Variants in ANKRD13A observed in about 807,000 individuals in gnomAD.
ANKRD13A encodes the protein ankyrin repeat domain 13A.
In ANKRD13A, 48 loss-of-function variants were observed where a neutral mutation model predicts 81.3. The ratio of observed to expected loss-of-function variants is 0.59; its 90% CI spans 0.47 to 0.75. The LOEUF is 0.75. Ranked by LOEUF, ANKRD13A falls within the 30% of genes least tolerant of loss-of-function variation. The pLI is 0.00. For missense variants in ANKRD13A, 612 were observed against 734.0 expected (o/e 0.83, Z 1.92); for synonymous variants, 230 against 270.1 (o/e 0.85, Z 1.45).
chr12:110,033,765 C>A, intron 12 of ANKRD13A, 32 bp from the exon 13 acceptor site: 1 of 1,551,338 alleles, frequency 6.4e-7, no homozygotes, highest in South Asian at 1.2e-5. Context: ...ATGTAATGAA[C>A]TCAGACACTG....
intron 8 of ANKRD13A, among the ~76,000 whole-genome samples, chr12:110,026,425 A>G (rs1445794361): frequency 6.6e-6 from 1 of 151,396 alleles, no homozygotes; most frequent in African/African-American, 2.4e-5. Flanking sequence ...AAAAAATACA[A>G]AATTAGCTGG....
intron 6 of ANKRD13A, among the ~76,000 whole-genome samples, 173 bp downstream of exon 6, chr12:110,019,501 G>A (rs1336225253): frequency 2.6e-5 from 4 of 152,116 alleles, no homozygotes; most frequent in East Asian, 1.9e-4. Flanking sequence ...GCTGACACTC[G>A]ACACCATCCA....
At chr12:110,026,895 AG>A (rs1891376850) in intron 8 of ANKRD13A, 1 of 152,118 alleles carries the variant, frequency 6.6e-6, no homozygotes, top group Non-Finnish European at 1.5e-5. Context: ...AAAAAGAAAA[AG>A]GAAAGAAAAT....
chr12:110,027,904 A>G, intron 9 of ANKRD13A, 138 bp downstream of exon 9: 1 of 741,584 alleles, frequency 1.3e-6, no homozygotes, highest in Non-Finnish European at 2.3e-6. Flanking sequence ...AATTTGAGAT[A>G]CTCTTTTGGA....
At chr12:110,015,708 A>G (rs1890757987) in intron 3 of ANKRD13A, among the ~76,000 whole-genome samples, 2 of 151,788 alleles carry the variant, frequency 1.3e-5, no homozygotes. Context: ...CACCATGCCG[A>G]GCTAATTTTT....
Position 110,012,216 on chromosome 12 carries a change from T to C in ANKRD13A, c.229+79T>C. The C allele has an allele frequency of 4.1e-6, 6 of 1,471,850 alleles. No homozygotes were observed. In the South Asian group the frequency reaches 7.6e-5, roughly 19 times the overall value. 91.2% of individuals were successfully genotyped at this position (1,471,850 alleles called of 1,614,324 possible). On this transcript the variant is annotated intron_variant, in intron 2 of 14. Coordinates refer to ENST00000261739, the MANE Select transcript of ANKRD13A (RefSeq NM_033121.2). ...CTGTCTCTACAAAAAAATATGAAAA[T>C]TAGCCAGGTGCGGTGGTGCATGTCT...
Position 110,038,584 on chromosome 12 carries a change from AAAT to A in ANKRD13A, c.*1034_*1036del, listed in dbSNP as rs1363139930. ...TCCATGGCTCTTCATTCAAAAGGGA[AAAT>A]AATGATTCCACGTTGCTTTTTAGAG... On this transcript the variant is annotated 3_prime_UTR_variant, in exon 15 of 15. Coordinates refer to ENST00000261739, the MANE Select transcript of ANKRD13A (RefSeq NM_033121.2). The A allele has an allele frequency of 1.3e-5, 2 of 152,610 alleles. No homozygotes were observed. The highest frequency in any genetic ancestry group is 2.9e-5 in the Non-Finnish European group (2 of 68,038). The allele number at this position is 152,610 out of a possible 1,614,324, so 9.5% of individuals were successfully genotyped here. A position where few individuals can be genotyped will look rare whatever the true frequency, so the allele number is the denominator to read the frequency against.
Position 109,999,721 on chromosome 12 carries a change from C to T in ANKRD13A, c.33C>T (p.Tyr11=). Reference sequence around the variant, plus strand: ...CGGCCTGCGACGCGGGCGACCACTACCCCCTGCACCTCCTAGTCTGGAAAA... The same window carrying T: ...CGGCCTGCGACGCGGGCGACCACTATCCCCTGCACCTCCTAGTCTGGAAAA... MSSACDAGDH[Y]PLHLLVWKND... is the part of the protein sequence containing the mutation. Residue 11 remains tyrosine, a synonymous_variant, in exon 1 of 15, where the codon TAC becomes TAT. Transcript: ENST00000261739. This position sits in a 1 kb window ranked among gnomAD's most constrained non-coding sequence, Gnocchi z 4.3. 8.5e-6 allele frequency: 13 copies of T among 1,537,444 alleles called. No homozygotes were observed. The highest frequency in any genetic ancestry group is 1.1e-5 in the Non-Finnish European group (12 of 1,140,444).
intron 3 of ANKRD13A, 40 bp from the exon 4 acceptor site, chr12:110,016,347 TG>T: frequency 6.6e-7 from 1 of 1,512,872 alleles, no homozygotes; most frequent in Non-Finnish European, 9.0e-7. Context: ...GTGTTGATAG[TG>T]CCAAGGGTAA....
rs1892142697 is a variant in ANKRD13A, at chr12:110,037,589, G to A, written c.*35G>A. 1.3e-6 allele frequency: 2 copies of A among 1,590,540 alleles called. No homozygotes were observed. Among genetic ancestry groups the A allele is most frequent in the Non-Finnish European group, 1.7e-6 (2 of 1,169,264 alleles). On this transcript the variant is annotated 3_prime_UTR_variant, in exon 15 of 15. Transcript: ENST00000261739. ...CCTGTGAGCCTCTGCACAAAGCAGAGGCTGTGGGCTGTCACAGATGCTGTG... is the reference window on the plus strand; with the variant it reads ...CCTGTGAGCCTCTGCACAAAGCAGAAGCTGTGGGCTGTCACAGATGCTGTG...
Position 109,999,604 on chromosome 12 carries a change from T to A in ANKRD13A, c.-85T>A. The A allele has an allele frequency of 8.5e-7, 1 of 1,176,634 alleles. No individual in the cohort carries two copies. Among genetic ancestry groups the A allele is most frequent in the Non-Finnish European group, 1.2e-6 (1 of 867,530 alleles). 72.9% of individuals were successfully genotyped at this position (1,176,634 alleles called of 1,614,324 possible). ...CCCTACGCTCGCTTGCTCGCCGGCCTCAGGGCAGGCAGGCGGGCGCGGGAG... is the reference window on the plus strand; with the variant it reads ...CCCTACGCTCGCTTGCTCGCCGGCCACAGGGCAGGCAGGCGGGCGCGGGAG... On this transcript the variant is annotated 5_prime_UTR_variant, in exon 1 of 15. Transcript: ENST00000261739. The surrounding 1 kb of genome is among the most constrained non-coding windows in gnomAD (Gnocchi z 4.3).
rs1892066296 is a variant in ANKRD13A, at chr12:110,036,617, T to C, written c.1577+289T>C. ...AATACAAAAAATTAGCCGGGCATGG[T>C]GCCAGGCACCTGTAGTCTCAGCTAC... On this transcript the variant is annotated intron_variant, in intron 14 of 14. Transcript: ENST00000261739. This position sits in a 1 kb window ranked among gnomAD's most constrained non-coding sequence, Gnocchi z 4.6. 6.6e-6 allele frequency among the ~76,000 whole-genome samples: 1 copy of C among 152,166 alleles called. No homozygotes were observed. The highest frequency in any genetic ancestry group is 1.5e-5 in the Non-Finnish European group (1 of 68,024).
Position 110,028,637 on chromosome 12 carries a change from A to G in ANKRD13A, c.1071A>G (p.Thr357=). The change falls in exon 10 of 15, where the codon ACA becomes ACG. Residue 357 remains threonine, a synonymous_variant. Transcript: ENST00000261739. ...IGRPKELTIR[T]QKFKAMLWMC... ...GGCCGAAAGAGCTGACGATTAGAAC[A>G]CAGAAGTAAGAGAGGTTCAGCTGCC... 1.9e-6 allele frequency: 3 copies of G among 1,614,196 alleles called. No individual in the cohort carries two copies. Among genetic ancestry groups the G allele is most frequent in the South Asian group, 1.1e-5 (1 of 91,078 alleles).
In ANKRD13A at chr12:109,999,835, G is replaced by A. The variant is rs1403515907; in HGVS notation, c.96+51G>A. ...TCCCGGTGGGGACTTCGGGGAATCG[G>A]GGGTCGTTTCGCCTCCCTGAGCCCA... On this transcript the variant is annotated intron_variant, in intron 1 of 14. Transcript: ENST00000261739. This position sits in a 1 kb window ranked among gnomAD's most constrained non-coding sequence, Gnocchi z 4.3. The A allele has an allele frequency of 1.6e-5, 23 of 1,464,388 alleles. No individual in the cohort carries two copies. The highest frequency in any genetic ancestry group is 1.4e-4 in the South Asian group (11 of 77,692). The allele number at this position is 1,464,388 out of a possible 1,614,324, so 90.7% of individuals were successfully genotyped here.
At position 110,038,193 on chromosome 12, in the gene ANKRD13A, C is replaced by T. The variant is rs1202241226; in HGVS notation, c.*639C>T. On this transcript the variant is annotated 3_prime_UTR_variant, in exon 15 of 15. Coordinates refer to ENST00000261739, the MANE Select transcript of ANKRD13A (RefSeq NM_033121.2). ...TAACTATTTGCATCAAATTAAGATA[C>T]ACAAATGGCCATGGATGTTGCCTTA... 1 of 152,620 alleles carries T rather than the reference C, an allele frequency of 6.6e-6. No homozygotes were observed. Among genetic ancestry groups the T allele is most frequent in the Non-Finnish European group, 1.5e-5 (1 of 68,050 alleles). 9.5% of individuals were successfully genotyped at this position (152,620 alleles called of 1,614,324 possible).
chr12:110,023,901 C>T, intron 6 of ANKRD13A, 145 bp from the exon 7 acceptor site: 1 of 747,118 alleles, frequency 1.3e-6, no homozygotes, highest in Non-Finnish European at 2.2e-6. Flanking sequence ...TCATTGCTAA[C>T]CGCCTCCTGT....
intron 1 of ANKRD13A, among the ~76,000 whole-genome samples, chr12:110,008,372 C>T (rs979448474): frequency 6.6e-6 from 1 of 152,040 alleles, no homozygotes; most frequent in Non-Finnish European, 1.5e-5. Context: ...GTATAATACC[C>T]TTTTTATATG....
intron 6 of ANKRD13A, chr12:110,022,613 T>C (rs1376985455): frequency 1.3e-5 from 2 of 152,222 alleles, no homozygotes; most frequent in African/African-American, 4.8e-5. Flanking sequence ...TAATCATCTT[T>C]CCATCCATCA....
Position 110,004,420 on chromosome 12 carries a change from A to T in ANKRD13A, c.96+4636A>T, listed in dbSNP as rs138205745. Among the ~76,000 whole-genome samples the T allele has an allele frequency of 6.2e-3, 944 of 152,232 alleles. 6 individuals are homozygous for T. Among genetic ancestry groups the T allele is most frequent in the Non-Finnish European group, 7.0e-3 (476 of 68,018 alleles). On this transcript the variant is annotated intron_variant, in intron 1 of 14. Transcript: ENST00000261739. The stretch of plus-strand genomic sequence containing the variant: ...CACCTGAGGTCGGGAGTTCGAGACC[A>T]ACCTGACCAACACAGAGAAACCCCG...
Sources: allele counts gnomAD v4.1 joint callset (sites outside exome capture counted in the v4.1 genomes callset), GRCh38; gene constraint gnomAD v4.1.1; non-coding constraint Gnocchi (gnomAD v3.1); transcripts MANE v1.5; gene names NCBI Gene and HGNC (gene_info 2026-07-23, HGNC 2026-07-21).